Variants in GPAT3 observed in about 807,000 individuals in gnomAD.
The protein encoded by GPAT3 is 1-AGP acyltransferase 9.
In GPAT3, 53 loss-of-function variants were observed where a neutral mutation model predicts 58.8. The observed-to-expected ratio is 0.90, with a 90% CI of 0.72 to 1.13. The LOEUF is 1.13. Ranked by LOEUF, GPAT3 falls within the 50% of genes most tolerant of loss-of-function variation. GPAT3 has a pLI of 0.00. For missense variants in GPAT3, 511 were observed against 527.6 expected, an observed-to-expected ratio of 0.97 and a Z score of 0.31; for synonymous variants, 197 against 187.4, an observed-to-expected ratio of 1.05 and a Z score of -0.42.
intron 2 of GPAT3, among the ~76,000 whole-genome samples, chr4:83,573,329 G>A (rs1378524046): frequency 6.6e-6 from 1 of 152,000 alleles, no homozygotes; most frequent in Non-Finnish European, 1.5e-5. Context: ...AGTAGAGATG[G>A]GGTTTCACTA....
chr4:83,551,565 G>A (rs1724750942), intron 2 of GPAT3, among the ~76,000 whole-genome samples: 1 of 151,774 alleles, frequency 6.6e-6, no homozygotes, highest in Non-Finnish European at 1.5e-5. Flanking sequence ...AGGCTGAGGC[G>A]GGCGGATCAC....
intron 8 of GPAT3, 120 bp downstream of exon 8, chr4:83,597,033 G>A: frequency 1.3e-6 from 1 of 794,876 alleles, no homozygotes; most frequent in Non-Finnish European, 2.1e-6. Flanking sequence ...TTAGAGGAAT[G>A]GGATGGCACT....
intron 6 of GPAT3, among the ~76,000 whole-genome samples, chr4:83,593,895 G>A (rs1726711041): frequency 6.6e-6 from 1 of 152,080 alleles, no homozygotes; most frequent in African/African-American, 2.4e-5. Context: ...TGAATATGTA[G>A]GGTATCAATA....
At chr4:83,584,873 C>T (rs1726320385) in intron 3 of GPAT3, among the ~76,000 whole-genome samples, 1 of 152,196 alleles carries the variant, frequency 6.6e-6, no homozygotes, top group Non-Finnish European at 1.5e-5. Flanking sequence ...TCTTAAAAAA[C>T]AGACTGTGGC....
At chr4:83,592,936 G>A (rs1293765892) in intron 6 of GPAT3, among the ~76,000 whole-genome samples, 1 of 151,662 alleles carries the variant, frequency 6.6e-6, no homozygotes, top group Admixed American at 6.6e-5. Flanking sequence ...GTGTGATCTC[G>A]GCTCACTGCA....
rs368843173 is a variant in GPAT3, at chr4:83,536,597, C to T, written c.-26C>T. 5 of 1,607,160 alleles carry T rather than the reference C, an allele frequency of 3.1e-6. 1 individual carries two copies. Among genetic ancestry groups the T allele is most frequent in the Admixed American group, 1.7e-5 (1 of 59,648 alleles). On this transcript the variant is annotated 5_prime_UTR_variant, in exon 1 of 12. Transcript: ENST00000264409. ...GTGGCGCTCGGCCCTCCACTGCGGA[C>T]CTCTCCTGAGTGGGTGCGCCGAGTC...
chr4:83,578,696 T>A (rs1304575674), intron 2 of GPAT3, among the ~76,000 whole-genome samples: 1 of 152,184 alleles, frequency 6.6e-6, no homozygotes, highest in Non-Finnish European at 1.5e-5. Context: ...TTGAGTGGTA[T>A]TGCAGTGCCT....
chr4:83,565,567 C>T (rs566515166), intron 2 of GPAT3, among the ~76,000 whole-genome samples: 2 of 151,926 alleles, frequency 1.3e-5, no homozygotes, highest in Non-Finnish European at 2.9e-5. Context: ...GGTGCGCTCT[C>T]GGCTCACCAC....
chr4:83,579,054 CTTT>C lies in GPAT3; in HGVS notation c.209-2507_209-2505del, dbSNP rs1189464323. ...TCTTTCTTTCTTTCTTTCTTTCTTT[CTTT>C]CTTTCTTTCTTTCTTTCTTTCTTCC... On this transcript the variant is annotated intron_variant, in intron 2 of 11. Transcript: ENST00000264409. Among the ~76,000 whole-genome samples, 60 of 34,492 alleles carry C rather than the reference CTTT, an allele frequency of 1.7e-3. 3 individuals carry two copies. Among genetic ancestry groups the C allele is most frequent in the South Asian group, 2.9e-3 (2 of 692 alleles). The allele number at this position is 34,492 out of a possible 152,430, so 22.6% of individuals were successfully genotyped here.
At chr4:83,549,543 AT>A (rs1031627185) in intron 2 of GPAT3, among the ~76,000 whole-genome samples, 5 of 148,432 alleles carry the variant, frequency 3.4e-5, no homozygotes, top group African/African-American at 1.2e-4. Flanking sequence ...TATTATTATT[AT>A]TTTTTTAAGA....
chr4:83,596,583 C>G (rs1461673204), intron 7 of GPAT3, among the ~76,000 whole-genome samples: 3 of 152,104 alleles, frequency 2.0e-5, no homozygotes, highest in African/African-American at 7.2e-5. Context: ...GATCATGCCA[C>G]TGCACTCCAG....
intron 2 of GPAT3, among the ~76,000 whole-genome samples, chr4:83,556,743 A>G (rs534254578): frequency 6.6e-6 from 1 of 152,018 alleles, no homozygotes; most frequent in African/African-American, 2.4e-5. Context: ...GGAATATGCA[A>G]TGATGAAAAA....
chr4:83,581,358 G>A (rs1365536338), intron 2 of GPAT3, among the ~76,000 whole-genome samples: 1 of 152,004 alleles, frequency 6.6e-6, no homozygotes, highest in Non-Finnish European at 1.5e-5. Context: ...AGATCATGAG[G>A]TAGAGGCCAT....
intron 2 of GPAT3, among the ~76,000 whole-genome samples, chr4:83,549,291 T>G (rs1391330443): frequency 2.0e-5 from 3 of 151,948 alleles, no homozygotes; most frequent in East Asian, 3.9e-4. Context: ...TACAAACCAG[T>G]ATGTGTTGCC....
chr4:83,550,030 T>A (rs1015821772), intron 2 of GPAT3, among the ~76,000 whole-genome samples: 2 of 152,012 alleles, frequency 1.3e-5, no homozygotes, highest in Admixed American at 6.6e-5. Context: ...GCCCATTTTT[T>A]AATTTTTAAA....
Position 83,536,768 on chromosome 4 carries a change from G to C in GPAT3, c.141+5G>C, listed in dbSNP as rs773059133. On this transcript the variant is annotated splice_donor_5th_base_variant and intron_variant, in intron 1 of 11. Coordinates refer to ENST00000264409, the MANE Select transcript of GPAT3 (RefSeq NM_032717.5). ...ATCCTAGTGAAAACTTTAGAGGTGA[G>C]TGCCGGGAGGGATGCAGCCAGCCCC... 1 of 1,604,840 alleles carries C rather than the reference G, an allele frequency of 6.2e-7. No homozygotes were observed. Among genetic ancestry groups the C allele is most frequent in the Non-Finnish European group, 8.5e-7 (1 of 1,175,940 alleles).
At chr4:83,564,553 G>T (rs1725312078) in intron 2 of GPAT3, among the ~76,000 whole-genome samples, 1 of 152,050 alleles carries the variant, frequency 6.6e-6, no homozygotes, top group Non-Finnish European at 1.5e-5. Flanking sequence ...CAAAAAATTA[G>T]CCAGGTGTGG....
intron 7 of GPAT3, 82 bp downstream of exon 7, chr4:83,595,042 C>G: frequency 8.3e-7 from 1 of 1,201,286 alleles, no homozygotes; most frequent in Non-Finnish European, 1.2e-6. Context: ...GAGGGCCGAG[C>G]AGCACTGAGT....
intron 2 of GPAT3, among the ~76,000 whole-genome samples, chr4:83,563,996 T>A (rs1478870334): frequency 6.6e-6 from 1 of 152,216 alleles, no homozygotes; most frequent in Non-Finnish European, 1.5e-5. Context: ...GCTTAAAAAA[T>A]GATGCTGAAG....
Sources: allele counts gnomAD v4.1 joint callset (sites outside exome capture counted in the v4.1 genomes callset), GRCh38; gene constraint gnomAD v4.1.1; transcripts MANE v1.5; gene names NCBI Gene and HGNC (gene_info 2026-07-23, HGNC 2026-07-21).